SHPRH: variants seen among roughly 807,000 people sequenced by gnomAD.
SHPRH encodes the protein E3 ubiquitin-protein ligase SHPRH.
A neutral mutation model predicts 202.5 loss-of-function variants in SHPRH; 106 were observed. The observed-to-expected ratio is 0.52, with a 90% CI of 0.45 to 0.62. The LOEUF (loss-of-function observed/expected upper bound fraction) is 0.62, where lower values mean the gene tolerates loss of function less well. Among genes scored for constraint, SHPRH ranks in the 20% least tolerant of loss-of-function variants. The probability of loss-of-function intolerance (pLI) is 0.00; values close to 1 mark genes in which losing one functional copy is unlikely to be tolerated. For synonymous variants in SHPRH, 729 were observed against 686.0 expected (o/e 1.06, Z -0.98); for missense variants, 1,710 against 2,020.0 (o/e 0.85, Z 2.94).
intron 3 of SHPRH, chr6:145,951,671 A>G (rs1484209572): frequency 2.7e-6 from 1 of 368,224 alleles, no homozygotes; most frequent in Non-Finnish European, 5.5e-6. Context: ...ACTATTACTG[A>G]TATTATAAAG....
Position 145,884,864 on chromosome 6 carries a change from A to T in SHPRH, c.*1827T>A, listed in dbSNP as rs1228504291. On this transcript the variant is annotated 3_prime_UTR_variant, in exon 30 of 30. Transcript: ENST00000275233. ...ATATCTTACAGAAATAAATAAAAAC[A>T]GTTTTTGTCTAATACAGATAGGTTT... is the stretch of plus-strand genomic sequence containing the variant. The T allele has an allele frequency of 6.6e-6, 1 of 152,148 alleles. No homozygotes were observed. The highest frequency in any genetic ancestry group is 1.5e-5 in the Non-Finnish European group (1 of 67,996). The allele number at this position is 152,148 out of a possible 1,614,324, so 9.4% of individuals were successfully genotyped here.
Position 145,947,566 on chromosome 6 carries a change from GTCTT to G in SHPRH, c.1135_1138del (p.Lys379GlnfsTer7). On this transcript the variant is annotated frameshift_variant, in exon 6 of 30. Transcript: ENST00000275233. LOFTEE classifies it high-confidence loss of function. ...CAGAATCAGAGCCAAAACCTCCACT[GTCTT>G]TCCAAGACCCATCTCATCTGCTAAA... 6.2e-7 allele frequency: 1 copy of G among 1,612,950 alleles called. No homozygotes were observed. The highest frequency in any genetic ancestry group is 8.5e-7 in the Non-Finnish European group (1 of 1,179,324).
At chr6:145,922,453 A>G in intron 19 of SHPRH, 105 bp from the exon 20 acceptor site, 1 of 1,312,376 alleles carries the variant, frequency 7.6e-7, no homozygotes, top group Non-Finnish European at 1.0e-6. Context: ...TCCACTAGAT[A>G]TGCCATTTTA....
At chr6:145,896,293 C>T (rs944795262) in intron 25 of SHPRH, among the ~76,000 whole-genome samples, 2 of 151,778 alleles carry the variant, frequency 1.3e-5, no homozygotes, top group Non-Finnish European at 2.9e-5. Flanking sequence ...CAAACAAGAG[C>T]GAAGAGAAAA....
At chr6:145,934,797 A>G in intron 13 of SHPRH, 110 bp downstream of exon 13, 2 of 1,061,316 alleles carry the variant, frequency 1.9e-6, no homozygotes, top group Non-Finnish European at 2.7e-6. Context: ...CCTCTACACC[A>G]TTAAAGATAA....
rs1291076560 is a variant in SHPRH, at chr6:145,963,839, A to G, written c.-141T>C. ...CAAACAAGCGACCGCGAGGCCAAGG[A>G]GCGTGACGACGGACTCCCGGATCCT... On this transcript the variant is annotated 5_prime_UTR_variant, in exon 1 of 30. Coordinates refer to ENST00000275233, the MANE Select transcript of SHPRH (RefSeq NM_001042683.3). The G allele has an allele frequency of 6.6e-6, 1 of 152,210 alleles. No homozygotes were observed. The highest frequency in any genetic ancestry group is 1.5e-5 in the Non-Finnish European group (1 of 68,046). 9.4% of individuals were successfully genotyped at this position (152,210 alleles called of 1,614,324 possible). A position where few individuals can be genotyped will look rare whatever the true frequency, so the allele number is the denominator to read the frequency against.
chr6:145,894,282 T>G (rs769601509), intron 26 of SHPRH, 46 bp from the exon 27 acceptor site: 2 of 1,403,694 alleles, frequency 1.4e-6, no homozygotes, highest in South Asian at 1.3e-5. Flanking sequence ...ACACGTAGCC[T>G]TTATCTAAGG....
intron 2 of SHPRH, chr6:145,877,047 C>G (rs1197556213): frequency 2.6e-5 from 4 of 152,178 alleles, no homozygotes; most frequent in African/African-American, 4.8e-5. Flanking sequence ...TATGGCAGCT[C>G]TAGCAGACTA....
rs139425995 is a variant in SHPRH, at chr6:145,891,621, G to A, written c.4874+1594C>T. Among the ~76,000 whole-genome samples the A allele has an allele frequency of 2.2e-3, 342 of 152,276 alleles. 2 individuals carry two copies. Among genetic ancestry groups the A allele is most frequent in the African/African-American group, 7.7e-3 (320 of 41,560 alleles). Reference sequence around the variant, plus strand: ...AATAAAAATCTACCAAAAAGTATGTGAGTACTGATGCAGGCAGACTGTTCA... The same window carrying A: ...AATAAAAATCTACCAAAAAGTATGTAAGTACTGATGCAGGCAGACTGTTCA... On this transcript the variant is annotated intron_variant, in intron 28 of 29. Transcript: ENST00000275233.
chr6:145,940,653 A>G, intron 11 of SHPRH, 70 bp downstream of exon 11: 1 of 1,477,106 alleles, frequency 6.8e-7, no homozygotes, highest in East Asian at 2.3e-5. Flanking sequence ...GGTTAAGCAT[A>G]ACAATACTTT....
At position 145,913,532 on chromosome 6, in the gene SHPRH, C is replaced by T. The variant is rs558804620; in HGVS notation, c.4272G>A (p.Ser1424=). 25 of 1,607,312 alleles carry T rather than the reference C, an allele frequency of 1.6e-5. No individual in the cohort carries two copies. The highest frequency in any genetic ancestry group is 4.5e-5 in the South Asian group (4 of 89,870). Residue 1424 remains serine (S), a synonymous_variant, in exon 24 of 30, where the codon TCG becomes TCA. Transcript: ENST00000275233. Reference sequence around the variant, plus strand: ...GGCAAGGTTCTGGATTAACACCTCCCGATGTTTTATCTTGAGACTATCCAA... The same window carrying T: ...GGCAAGGTTCTGGATTAACACCTCCTGATGTTTTATCTTGAGACTATCCAA... ...TNLEKSQDKT[S]GGVNPEPCPI...
intron 29 of SHPRH, among the ~76,000 whole-genome samples, chr6:145,887,722 A>G (rs992702942): frequency 6.6e-6 from 1 of 151,992 alleles, no homozygotes; most frequent in Admixed American, 6.6e-5. Flanking sequence ...TTTAGTAGAG[A>G]TGGGGTTTCA....
chr6:145,926,434 G>A, intron 15 of SHPRH, 138 bp from the exon 16 acceptor site: 2 of 756,776 alleles, frequency 2.6e-6, no homozygotes, highest in South Asian at 3.7e-5. Flanking sequence ...AAAAAAATCT[G>A]AGTACTACTA....
intron 25 of SHPRH, among the ~76,000 whole-genome samples, chr6:145,895,944 T>C (rs777777182): frequency 2.6e-5 from 4 of 152,026 alleles, no homozygotes; most frequent in Non-Finnish European, 5.9e-5. Flanking sequence ...TTCTGAGATA[T>C]TAAATATGAG....
At position 145,964,176 on chromosome 6, in the gene SHPRH, C is replaced by T. The variant is rs1209424676; in HGVS notation, c.-478G>A. On this transcript the variant is annotated 5_prime_UTR_variant, in exon 1 of 30. Coordinates refer to ENST00000275233, the MANE Select transcript of SHPRH (RefSeq NM_001042683.3). ...GCCTACCCAAGCTGGTTCTCCGAGC[C>T]TCTTGAGTCTGTTTGCACCAGGCCT... 2.0e-5 allele frequency: 3 copies of T among 152,444 alleles called. No homozygotes were observed. Among genetic ancestry groups the T allele is most frequent in the Non-Finnish European group, 2.9e-5 (2 of 68,244 alleles). 9.4% of individuals were successfully genotyped at this position (152,444 alleles called of 1,614,324 possible).
At chr6:145,868,132 G>A (rs563999413) in intron 2 of SHPRH, among the ~76,000 whole-genome samples, 8 of 152,220 alleles carry the variant, frequency 5.3e-5, no homozygotes, top group Non-Finnish European at 1.2e-4. Flanking sequence ...CCTTCTTCCT[G>A]TGTTCTGACA....
rs367959556 is a variant in SHPRH at position 145,954,683 on chromosome 6, T to A, written c.633+7A>T. Reference sequence around the variant, plus strand: ...CCTCAAAAAAGACACCACAAAAAACTGAGTACCTTGATAATGTGATTTCCT... The same window carrying A: ...CCTCAAAAAAGACACCACAAAAAACAGAGTACCTTGATAATGTGATTTCCT... On this transcript the variant is annotated splice_region_variant and intron_variant, in intron 2 of 29. Coordinates refer to ENST00000275233, the MANE Select transcript of SHPRH (RefSeq NM_001042683.3). 2 of 1,557,074 alleles carry A rather than the reference T, an allele frequency of 1.3e-6. No individual in the cohort carries two copies. The highest frequency in any genetic ancestry group is 1.7e-6 in the Non-Finnish European group (2 of 1,158,708).
At chr6:145,962,785 T>C (rs1295246356) in intron 1 of SHPRH, among the ~76,000 whole-genome samples, 2 of 152,240 alleles carry the variant, frequency 1.3e-5, no homozygotes, top group South Asian at 2.1e-4. Context: ...GCCCACTCAT[T>C]ACTAAGTACT....
intron 1 of SHPRH, among the ~76,000 whole-genome samples, chr6:145,957,785 T>A (rs546713597): frequency 6.6e-6 from 1 of 152,162 alleles, no homozygotes; most frequent in African/African-American, 2.4e-5. Flanking sequence ...CTAATAAAAT[T>A]GAATATAACT....
Sources: gnomAD v4.1 joint callset for allele counts (sites outside exome capture counted in the v4.1 genomes callset) on GRCh38, gnomAD v4.1.1 for gene constraint, MANE v1.5 for transcripts, NCBI Gene and HGNC (gene_info 2026-07-23, HGNC 2026-07-21) for gene names.